AIG1: variants seen among roughly 807,000 people sequenced by gnomAD.
AIG1 encodes the protein androgen induced 1.
Under a neutral mutation model 31.4 loss-of-function variants are expected in AIG1, and 23 were observed. The observed-to-expected ratio is 0.73, with a 90% CI of 0.53 to 1.04. The LOEUF (loss-of-function observed/expected upper bound fraction) is 1.04. AIG1 is among the 50% of genes least tolerant of loss of function. The pLI is 0.00. For missense variants in AIG1, 274 were observed against 295.0 expected, an observed-to-expected ratio of 0.93 and a Z score of 0.52; for synonymous variants, 100 against 110.5, an observed-to-expected ratio of 0.90 and a Z score of 0.60.
At chr6:143,085,319 G>T (rs1486217148) in intron 1 of AIG1, among the ~76,000 whole-genome samples, 1 of 152,126 alleles carries the variant, frequency 6.6e-6, no homozygotes, top group Non-Finnish European at 1.5e-5. Context: ...GTCCTCTGTG[G>T]TCCTAATGCT....
At chr6:143,161,537 A>ATT (rs988891435) in intron 2 of AIG1, among the ~76,000 whole-genome samples, 1 of 150,148 alleles carries the variant, frequency 6.7e-6, no homozygotes, top group African/African-American at 2.4e-5. Flanking sequence ...TATTATATAT[A>ATT]TATGTGTGTA....
chr6:143,234,334 C>T (rs1381740496), intron 3 of AIG1, among the ~76,000 whole-genome samples: 1 of 152,210 alleles, frequency 6.6e-6, no homozygotes, highest in Non-Finnish European at 1.5e-5. Context: ...AGGAAAATTG[C>T]AACAATGAGA....
intron 2 of AIG1, among the ~76,000 whole-genome samples, chr6:143,151,893 G>C (rs1785267723): frequency 6.6e-6 from 1 of 152,212 alleles, no homozygotes; most frequent in Admixed American, 6.5e-5. Context: ...GAATTCGGTT[G>C]CACAGTAGGG....
chr6:143,276,889 A>G (rs1038353933), intron 3 of AIG1, among the ~76,000 whole-genome samples: 2 of 152,134 alleles, frequency 1.3e-5, no homozygotes, highest in African/African-American at 4.8e-5. Context: ...TGTCATTTCT[A>G]TCTCCCTTGA....
At chr6:143,191,825 A>G (rs1449463331) in intron 3 of AIG1, among the ~76,000 whole-genome samples, 3 of 152,224 alleles carry the variant, frequency 2.0e-5, no homozygotes, top group Admixed American at 6.5e-5. Context: ...TCTCATTTGC[A>G]TGTTTCAGAC....
At chr6:143,251,209 C>T (rs1318661273) in intron 3 of AIG1, among the ~76,000 whole-genome samples, 7 of 151,988 alleles carry the variant, frequency 4.6e-5, no homozygotes, top group African/African-American at 1.5e-4. Flanking sequence ...TGCGCCACCA[C>T]GCCCGGCTAA....
rs571661215 is a variant in AIG1, at chr6:143,260,517, C to G, written c.400-23593C>G. Among the ~76,000 whole-genome samples the G allele has an allele frequency of 9.8e-4, 149 of 152,196 alleles. 1 individual carries two copies. The highest frequency in any genetic ancestry group is 3.2e-3 in the African/African-American group (132 of 41,522). ...ATTCCCTGTTGGGTCCACTTAGTTCCAAGATAACTCAAAAACCTGTGGGGT... is the reference window on the plus strand; with the variant it reads ...ATTCCCTGTTGGGTCCACTTAGTTCGAAGATAACTCAAAAACCTGTGGGGT... On this transcript the variant is annotated intron_variant, in intron 3 of 5. Coordinates refer to ENST00000357847, the MANE Select transcript of AIG1 (RefSeq NM_016108.4).
At chr6:143,226,940 A>C (rs1452315499) in intron 3 of AIG1, among the ~76,000 whole-genome samples, 1 of 149,984 alleles carries the variant, frequency 6.7e-6, no homozygotes, top group East Asian at 1.9e-4. Context: ...TTTGAATGCT[A>C]CCCAACACAA....
intron 2 of AIG1, among the ~76,000 whole-genome samples, chr6:143,143,528 A>AAAAAAAAAATATATATAT (rs1554249782): frequency 3.6e-5 from 1 of 27,792 alleles, no homozygotes; most frequent in East Asian, 2.6e-3. Context: ...AAAAAAAAAA[A>AAAAAAAAAATATATATAT]ATATATATAT....
At chr6:143,197,882 T>A (rs1232690461) in intron 3 of AIG1, among the ~76,000 whole-genome samples, 1 of 152,202 alleles carries the variant, frequency 6.6e-6, no homozygotes, top group Non-Finnish European at 1.5e-5. Context: ...GGCCATATGA[T>A]CTTTGGGAGA....
At chr6:143,222,181 C>G (rs992115706) in intron 3 of AIG1, among the ~76,000 whole-genome samples, 1 of 152,066 alleles carries the variant, frequency 6.6e-6, no homozygotes, top group Non-Finnish European at 1.5e-5. Context: ...TCTCAGCTCA[C>G]GTAGTACGTT....
chr6:143,139,899 A>G (rs948351524), intron 2 of AIG1, among the ~76,000 whole-genome samples: 3 of 152,236 alleles, frequency 2.0e-5, no homozygotes, highest in African/African-American at 7.2e-5. Flanking sequence ...AAATCCCATT[A>G]ATTTTATTGC....
At chr6:143,211,126 A>G (rs1791555809) in intron 3 of AIG1, among the ~76,000 whole-genome samples, 1 of 152,156 alleles carries the variant, frequency 6.6e-6, no homozygotes. Context: ...TGATGGGGAA[A>G]CTGAGCCTTT....
At chr6:143,151,658 T>C (rs1329205868) in intron 2 of AIG1, among the ~76,000 whole-genome samples, 1 of 152,180 alleles carries the variant, frequency 6.6e-6, no homozygotes, top group Non-Finnish European at 1.5e-5. Flanking sequence ...AATCCTTCTC[T>C]CAGTAAGTGA....
At chr6:143,112,161 C>T (rs1359596773) in intron 1 of AIG1, among the ~76,000 whole-genome samples, 2 of 152,174 alleles carry the variant, frequency 1.3e-5, no homozygotes, top group Non-Finnish European at 2.9e-5. Context: ...CCCCTTTTCA[C>T]CTGCCTGACC....
chr6:143,208,888 C>T (rs1254051082), intron 3 of AIG1, among the ~76,000 whole-genome samples: 1 of 151,990 alleles, frequency 6.6e-6, no homozygotes, highest in African/African-American at 2.4e-5. Flanking sequence ...TGGTGGAGTG[C>T]TCAGGGAAGC....
At chr6:143,139,033 C>T (rs1784022239) in intron 2 of AIG1, among the ~76,000 whole-genome samples, 2 of 152,092 alleles carry the variant, frequency 1.3e-5, no homozygotes. Flanking sequence ...TCCTCAAAAG[C>T]TCATGGCATA....
intron 3 of AIG1, among the ~76,000 whole-genome samples, chr6:143,221,259 T>C (rs1033583632): frequency 4.6e-5 from 7 of 152,324 alleles, no homozygotes; most frequent in African/African-American, 1.7e-4. Flanking sequence ...AAGGTTTTCA[T>C]ACTATATCCA....
At position 143,334,186 on chromosome 6, in the gene AIG1, A is replaced by T. The variant is rs1384800941; in HGVS notation, c.679+741A>T. On this transcript the variant is annotated intron_variant, in intron 5 of 5. Coordinates refer to ENST00000357847, the MANE Select transcript of AIG1 (RefSeq NM_016108.4). This position sits in a 1 kb window ranked among gnomAD's most constrained non-coding sequence, Gnocchi z 5.1. Reference sequence around the variant, plus strand: ...AAAGGTGGAAAAAGCGCCAGCACAGACATGTAGTGATTGAGTCCTGCATGA... The same window carrying T: ...AAAGGTGGAAAAAGCGCCAGCACAGTCATGTAGTGATTGAGTCCTGCATGA... 1 of 1,303,992 alleles carries T rather than the reference A, an allele frequency of 7.7e-7. No homozygotes were observed. Among genetic ancestry groups the T allele is most frequent in the African/African-American group, 1.5e-5 (1 of 67,260 alleles). 80.8% of individuals were successfully genotyped at this position (1,303,992 alleles called of 1,614,324 possible).
Sources: allele counts gnomAD v4.1 joint callset (sites outside exome capture counted in the v4.1 genomes callset), GRCh38; gene constraint gnomAD v4.1.1; non-coding constraint Gnocchi (gnomAD v3.1); transcripts MANE v1.5; gene names NCBI Gene and HGNC (gene_info 2026-07-23, HGNC 2026-07-21).